SPATS2: variants seen among roughly 807,000 people sequenced by gnomAD.
The protein encoded by SPATS2 is spermatogenesis-associated serine-rich protein 2.
In SPATS2, 38 loss-of-function variants were observed where a neutral mutation model predicts 63.7. That is an observed-to-expected ratio of 0.60 (90% CI 0.46 to 0.78). The LOEUF (loss-of-function observed/expected upper bound fraction) is 0.78. Among genes scored for constraint, SPATS2 ranks in the 30% least tolerant of loss-of-function variants. The probability of loss-of-function intolerance (pLI) is 0.00; values close to 1 mark genes in which losing one functional copy is unlikely to be tolerated. For missense variants in SPATS2, 588 were observed against 666.2 expected (o/e 0.88, Z 1.29); for synonymous variants, 207 against 232.9 (o/e 0.89, Z 1.01).
rs577294049 is a variant in SPATS2, at chr12:49,463,982, A to T, written c.25+2945A>T. Among the ~76,000 whole-genome samples the T allele has an allele frequency of 2.4e-4, 37 of 152,284 alleles. No homozygotes were observed. In the South Asian group the frequency reaches 7.7e-3, roughly 32 times the overall value. ...CAGAAGTCAGAGCTGTGCTTCTTAG[A>T]GTGTGGGCTGTAGACCCTATTCCTG... On this transcript the variant is annotated intron_variant, in intron 3 of 13. Coordinates refer to ENST00000552918, the MANE Select transcript of SPATS2 (RefSeq NM_023071.4).
In SPATS2 at chr12:49,424,769, C is replaced by CA. The variant is rs1945043004; in HGVS notation, c.-243-36000dup. ...TTGGCTCACTGCAACCTCCGCCCCC[C>CA]ACCAGATTCAAGTGATTCTCCTGCC... On this transcript the variant is annotated intron_variant, in intron 2 of 13. Coordinates refer to ENST00000552918, the MANE Select transcript of SPATS2 (RefSeq NM_023071.4). 2.6e-5 allele frequency among the ~76,000 whole-genome samples: 4 copies of CA among 152,114 alleles called. No individual in the cohort carries two copies. The South Asian group carries it at 8.3e-4, about 32-fold the overall frequency.
Position 49,477,592 on chromosome 12 carries a change from G to A in SPATS2, c.26-6998G>A, listed in dbSNP as rs977734610. ...TGCTTACAACCTCCGGAGAGGATAC[G>A]TGTAGTTTGACCATTGGCAACAAAG... is the stretch of plus-strand genomic sequence containing the variant. On this transcript the variant is annotated intron_variant, in intron 3 of 13. Coordinates refer to ENST00000552918, the MANE Select transcript of SPATS2 (RefSeq NM_023071.4). Among the ~76,000 whole-genome samples the A allele has an allele frequency of 5.9e-5, 9 of 152,278 alleles. 1 individual carries two copies. The East Asian group carries it at 1.5e-3, about 26-fold the overall frequency.
chr12:49,403,463 A>C (rs150097931), intron 2 of SPATS2, among the ~76,000 whole-genome samples: 13,192 of 151,998 alleles, frequency 0.087, 644 homozygotes, highest in African/African-American at 0.12. Flanking sequence ...TCCCGTCTCT[A>C]CTAAAAATAC....
intron 2 of SPATS2, among the ~76,000 whole-genome samples, chr12:49,381,207 A>G (rs558273073): frequency 3.9e-5 from 6 of 152,288 alleles, no homozygotes; most frequent in South Asian, 4.2e-4. Context: ...AGAAATGTCT[A>G]TTAAGTCCTT....
Position 49,527,069 on chromosome 12 carries a change from A to T in SPATS2, c.*814A>T, listed in dbSNP as rs1947047957. 6.6e-6 allele frequency: 1 copy of T among 152,000 alleles called. No homozygotes were observed. The highest frequency in any genetic ancestry group is 1.5e-5 in the Non-Finnish European group (1 of 68,026). 9.4% of individuals were successfully genotyped at this position (152,000 alleles called of 1,614,324 possible). A position where few individuals can be genotyped will look rare whatever the true frequency, so the allele number is the denominator to read the frequency against. On this transcript the variant is annotated 3_prime_UTR_variant, in exon 14 of 14. Coordinates refer to ENST00000552918, the MANE Select transcript of SPATS2 (RefSeq NM_023071.4). ...TGGTGAAACCCTGTCTGTACTAAAA[A>T]TACAAAAATTAGCTGAGCATGGTGG...
intron 2 of SPATS2, among the ~76,000 whole-genome samples, chr12:49,423,966 G>T (rs1323979616): frequency 6.6e-6 from 1 of 152,138 alleles, no homozygotes; most frequent in Non-Finnish European, 1.5e-5. Flanking sequence ...ACTTTGGGAG[G>T]CCAAGGCGGG....
In SPATS2 at chr12:49,372,406, G is replaced by T. The variant is rs557664946; in HGVS notation, c.-244+1116G>T. 2.4e-3 allele frequency among the ~76,000 whole-genome samples: 369 copies of T among 152,240 alleles called. 1 individual carries two copies. Among genetic ancestry groups the T allele is most frequent in the African/African-American group, 8.5e-3 (351 of 41,528 alleles). The stretch of plus-strand genomic sequence containing the variant: ...TGCTACCTGAAGGTAGCACTTGATG[G>T]TGCTTTCTCTATTGACTTTTTCTGT... On this transcript the variant is annotated intron_variant, in intron 2 of 13. Coordinates refer to ENST00000552918, the MANE Select transcript of SPATS2 (RefSeq NM_023071.4).
intron 10 of SPATS2, among the ~76,000 whole-genome samples, chr12:49,517,684 C>T (rs1270015242): frequency 6.6e-6 from 1 of 152,104 alleles, no homozygotes; most frequent in Non-Finnish European, 1.5e-5. Flanking sequence ...AGGCTCCAGT[C>T]GAGAAGGAGT....
intron 2 of SPATS2, among the ~76,000 whole-genome samples, chr12:49,412,395 A>G (rs1944812910): frequency 6.6e-6 from 1 of 151,974 alleles, no homozygotes; most frequent in South Asian, 2.1e-4. Flanking sequence ...GGGTTTCACC[A>G]TGTTGGCCAG....
At chr12:49,428,273 C>CAA (rs35741319) in intron 2 of SPATS2, among the ~76,000 whole-genome samples, 7 of 138,650 alleles carry the variant, frequency 5.0e-5, no homozygotes, top group African/African-American at 1.8e-4. Context: ...AACAAACAAA[C>CAA]AAAAAAAAAA....
At chr12:49,434,880 T>C (rs1457822560) in intron 2 of SPATS2, among the ~76,000 whole-genome samples, 2 of 152,170 alleles carry the variant, frequency 1.3e-5, no homozygotes, top group South Asian at 2.1e-4. Context: ...ATAATTTTTA[T>C]TTTCTTTTAA....
At chr12:49,481,021 A>T (rs1844596966) in intron 3 of SPATS2, among the ~76,000 whole-genome samples, 1 of 152,192 alleles carries the variant, frequency 6.6e-6, no homozygotes, top group Non-Finnish European at 1.5e-5. Context: ...CAGTGCCTAA[A>T]AACAACTTTT....
intron 11 of SPATS2, among the ~76,000 whole-genome samples, chr12:49,522,028 GA>G (rs111233399): frequency 0.084 from 11,633 of 138,602 alleles, 668 homozygotes; most frequent in African/African-American, 0.18. Flanking sequence ...CTTTTCATCT[GA>G]AAAAAAAAAA....
At chr12:49,517,351 G>C (rs1484939792) in intron 10 of SPATS2, among the ~76,000 whole-genome samples, 1 of 152,194 alleles carries the variant, frequency 6.6e-6, no homozygotes, top group East Asian at 1.9e-4. Context: ...CAGTTGGGCT[G>C]AGTAAACTTG....
chr12:49,377,574 T>G (rs959746383), intron 2 of SPATS2, among the ~76,000 whole-genome samples: 1 of 152,204 alleles, frequency 6.6e-6, no homozygotes, highest in Non-Finnish European at 1.5e-5. Context: ...CATTGTGAAA[T>G]AGCCCCAAGT....
At chr12:49,445,971 C>T (rs903088597) in intron 2 of SPATS2, among the ~76,000 whole-genome samples, 6 of 152,130 alleles carry the variant, frequency 3.9e-5, no homozygotes, top group Admixed American at 3.3e-4. Context: ...TTGATGCAAT[C>T]TCAGCCCACT....
intron 2 of SPATS2, among the ~76,000 whole-genome samples, chr12:49,396,119 A>G (rs1241851055): frequency 2.0e-5 from 3 of 152,212 alleles, no homozygotes; most frequent in African/African-American, 2.4e-5. Context: ...TGTGTATACT[A>G]TATTTTCTCA....
intron 2 of SPATS2, among the ~76,000 whole-genome samples, chr12:49,453,630 A>G (rs751465430): frequency 2.6e-5 from 4 of 152,026 alleles, no homozygotes; most frequent in Non-Finnish European, 5.9e-5. Context: ...TGGGCAACAT[A>G]GTGAGACCCT....
At chr12:49,418,025 G>T (rs1010652089) in intron 2 of SPATS2, among the ~76,000 whole-genome samples, 6 of 151,722 alleles carry the variant, frequency 4.0e-5, no homozygotes, top group Admixed American at 2.6e-4. Context: ...GACTACAGGC[G>T]CATGCCACCA....
Sources: gnomAD v4.1 joint callset for allele counts (sites outside exome capture counted in the v4.1 genomes callset) on GRCh38, gnomAD v4.1.1 for gene constraint, MANE v1.5 for transcripts, NCBI Gene and HGNC (gene_info 2026-07-23, HGNC 2026-07-21) for gene names.